ADCY5: variants seen among roughly 807,000 people sequenced by gnomAD.
The protein encoded by ADCY5 is adenylate cyclase type 5.
A neutral mutation model predicts 119.7 loss-of-function variants in ADCY5; 30 were observed. The observed-to-expected ratio is 0.25, with a 90% CI of 0.19 to 0.34. ADCY5 has a LOEUF of 0.34. Among genes scored for constraint, ADCY5 ranks in the 10% least tolerant of loss-of-function variants. The probability of loss-of-function intolerance (pLI) is 1.00; values close to 1 mark genes in which losing one functional copy is unlikely to be tolerated. For missense variants in ADCY5, 1,324 were observed against 1,775.2 expected, an observed-to-expected ratio of 0.75 and a Z score of 4.57; for synonymous variants, 753 against 762.2, an observed-to-expected ratio of 0.99 and a Z score of 0.20.
Position 123,352,315 on chromosome 3 carries a change from C to A in ADCY5, c.1284+117G>T. ...CATTCCCCATGGGTTGGTCCCCTCC[C>A]GGGGAGTGGGGCTGGCAGCCGTAAT... On this transcript the variant is annotated intron_variant, in intron 2 of 20. Transcript: ENST00000462833. The surrounding 1 kb of genome is among the most constrained non-coding windows in gnomAD (Gnocchi z 4.8). The A allele has an allele frequency of 7.6e-7, 1 of 1,317,152 alleles. No homozygotes were observed. Among genetic ancestry groups the A allele is most frequent in the South Asian group, 1.6e-5 (1 of 64,480 alleles). 81.6% of individuals were successfully genotyped at this position (1,317,152 alleles called of 1,614,324 possible).
At chr3:123,342,084 T>TC (rs1410045905) in intron 3 of ADCY5, among the ~76,000 whole-genome samples, 1 of 152,042 alleles carries the variant, frequency 6.6e-6, no homozygotes, top group Non-Finnish European at 1.5e-5. Context: ...GTATGAACCA[T>TC]CGTGGCCGGC....
chr3:123,318,145 G>A (rs745946383), intron 10 of ADCY5, 28 bp from the exon 11 acceptor site: 2 of 1,586,428 alleles, frequency 1.3e-6, no homozygotes, highest in East Asian at 2.2e-5. Flanking sequence ...GGGTGAGAGG[G>A]GCCAAGGTAC....
chr3:123,352,618 C>T lies in ADCY5; in HGVS notation c.1135-37G>A. The T allele has an allele frequency of 6.4e-7, 1 of 1,572,322 alleles. No individual in the cohort carries two copies. The highest frequency in any genetic ancestry group is 1.3e-5 in the African/African-American group (1 of 74,234). The stretch of plus-strand genomic sequence containing the variant: ...GAGAGGAGCACACCTAGCTCAGATC[C>T]TGACCTTCCTGGCCCCAAAGCATGA... On this transcript the variant is annotated intron_variant, in intron 1 of 20. Coordinates refer to ENST00000462833, the MANE Select transcript of ADCY5 (RefSeq NM_183357.3). The surrounding 1 kb of genome is among the most constrained non-coding windows in gnomAD (Gnocchi z 4.8).
intron 12 of ADCY5, among the ~76,000 whole-genome samples, chr3:123,313,121 T>C (rs1055006029): frequency 6.6e-6 from 1 of 150,884 alleles, no homozygotes; most frequent in Non-Finnish European, 1.5e-5. Context: ...GCCCAATGGC[T>C]CTGGCTGACC....
intron 1 of ADCY5, among the ~76,000 whole-genome samples, chr3:123,436,335 T>A (rs1022903414): frequency 3.9e-5 from 6 of 152,048 alleles, no homozygotes; most frequent in African/African-American, 1.4e-4. Flanking sequence ...ATCATACCAC[T>A]GTACTCTAGC....
chr3:123,419,097 C>T lies in ADCY5; in HGVS notation c.1134+28315G>A, dbSNP rs1945246452. 5.3e-6 allele frequency: 5 copies of T among 952,068 alleles called. No homozygotes were observed. The South Asian group carries it at 2.4e-4, about 46-fold the overall frequency. The allele number at this position is 952,068 out of a possible 1,614,324, so 59.0% of individuals were successfully genotyped here. ...CCCCACAGTAAATCTTTCTATATGT[C>T]TATATAAATCCTAAGGGTTCTGTTT... On this transcript the variant is annotated intron_variant, in intron 1 of 20. Coordinates refer to ENST00000462833, the MANE Select transcript of ADCY5 (RefSeq NM_183357.3).
Position 123,434,806 on chromosome 3 carries a change from C to T in ADCY5, c.1134+12606G>A, listed in dbSNP as rs367955263. Among the ~76,000 whole-genome samples the T allele has an allele frequency of 2.0e-4, 31 of 152,114 alleles. 1 individual carries two copies. The East Asian group carries it at 2.1e-3, about 10-fold the overall frequency. On this transcript the variant is annotated intron_variant, in intron 1 of 20. Coordinates refer to ENST00000462833, the MANE Select transcript of ADCY5 (RefSeq NM_183357.3). ...TTGTCTATAGCCCTACCTTCCCTTC[C>T]TCGCTCCATTACCCATACAACCACC...
rs79100647 is a variant in ADCY5, at chr3:123,379,347, G to A, written c.1135-26766C>T. ...GGGTGATGCTGGTATAGAGGACCCC[G>A]GAGTGGGGTTTGGGGAAGTGGGGGA... is the stretch of plus-strand genomic sequence containing the variant. On this transcript the variant is annotated intron_variant, in intron 1 of 20. Coordinates refer to ENST00000462833, the MANE Select transcript of ADCY5 (RefSeq NM_183357.3). Among the ~76,000 whole-genome samples the A allele has an allele frequency of 8.5e-3, 1,287 of 152,162 alleles. 15 individuals are homozygous for A. Among genetic ancestry groups the A allele is most frequent in the African/African-American group, 0.029 (1,196 of 41,506 alleles).
intron 1 of ADCY5, chr3:123,416,281 C>T: frequency 6.5e-7 from 1 of 1,536,176 alleles, no homozygotes; most frequent in Non-Finnish European, 8.7e-7. Flanking sequence ...TCAGGACTTA[C>T]TTCCAGACGC....
chr3:123,405,083 G>A (rs1482378085), intron 1 of ADCY5, among the ~76,000 whole-genome samples: 7 of 152,244 alleles, frequency 4.6e-5, no homozygotes, highest in Non-Finnish European at 7.3e-5. Context: ...AAGAGCCTGC[G>A]ACAGCTGCTG....
chr3:123,338,395 G>C (rs1197101376), intron 3 of ADCY5, among the ~76,000 whole-genome samples: 1 of 152,172 alleles, frequency 6.6e-6, no homozygotes, highest in African/African-American at 2.4e-5. Context: ...CTGCAGCTTT[G>C]GGGGAGGATT....
At chr3:123,302,606 G>A (rs1467033483) in intron 14 of ADCY5, among the ~76,000 whole-genome samples, 1 of 152,168 alleles carries the variant, frequency 6.6e-6, no homozygotes, top group Non-Finnish European at 1.5e-5. Context: ...CTCAGATCAG[G>A]AGCACGAACT....
At chr3:123,319,577 G>A (rs1393145257) in intron 10 of ADCY5, 97 bp downstream of exon 10, 18 of 1,456,530 alleles carry the variant, frequency 1.2e-5, no homozygotes, top group Non-Finnish European at 1.7e-5. Context: ...CCCCTTCCGT[G>A]GTGCTGGGGG....
rs1338370621 is a variant in ADCY5 at position 123,328,674 on chromosome 3, G to T, written c.1775C>A (p.Ala592Asp). The change falls in exon 6 of 21, where the codon GCC becomes GAC. Residue 592 changes from alanine to aspartate, a missense_variant. By Grantham distance (126) the Ala-to-Asp change is moderately radical. This residue lies in a region of ADCY5 where 424 missense variants were observed against 546.8 expected (regional missense o/e 0.78). Transcript: ENST00000462833. ...CTTGCCGCCAGCCTCCATGTGGTTG[G>T]CTAGCGTGACATCGTTAGACCAGAC... ...FDVWSNDVTL[A>D]NHMEAGGKAG... 1 of 1,614,154 alleles carries T rather than the reference G, an allele frequency of 6.2e-7. No individual in the cohort carries two copies. The highest frequency in any genetic ancestry group is 8.5e-7 in the Non-Finnish European group (1 of 1,180,034).
chr3:123,302,485 G>C (rs1939903671), intron 14 of ADCY5, among the ~76,000 whole-genome samples: 1 of 152,262 alleles, frequency 6.6e-6, no homozygotes, highest in East Asian at 1.9e-4. Flanking sequence ...GCTGGTTTGG[G>C]ACTGGGTTCC....
At chr3:123,331,919 G>T (rs1414648638) in intron 4 of ADCY5, among the ~76,000 whole-genome samples, 1 of 152,188 alleles carries the variant, frequency 6.6e-6, no homozygotes, top group Non-Finnish European at 1.5e-5. Flanking sequence ...CTGGCGTCCT[G>T]TGTGGGCCAA....
At chr3:123,377,159 T>C (rs1286530473) in intron 1 of ADCY5, among the ~76,000 whole-genome samples, 2 of 152,184 alleles carry the variant, frequency 1.3e-5, no homozygotes, top group African/African-American at 2.4e-5. Context: ...CATCGGATCA[T>C]GTAAACTGCA....
chr3:123,300,809 G>A (rs926405100), intron 14 of ADCY5, among the ~76,000 whole-genome samples: 1 of 152,214 alleles, frequency 6.6e-6, no homozygotes, highest in African/African-American at 2.4e-5. Flanking sequence ...GAACGGAGCT[G>A]CTCTGGTGGC....
Position 123,314,245 on chromosome 3 carries a change from G to GAGT in ADCY5, c.2429_2431dup (p.Tyr810dup). 1 of 1,612,590 alleles carries GAGT rather than the reference G, an allele frequency of 6.2e-7. No individual in the cohort carries two copies. The highest frequency in any genetic ancestry group is 8.5e-7 in the Non-Finnish European group (1 of 1,178,716). On this transcript the variant is annotated inframe_insertion, in exon 12 of 21. Transcript: ENST00000462833. Reference sequence around the variant, plus strand: ...GTCAGCTACACTCACCTTTACGCAGGAGTAGATCACAGACACAAACACCAC... The same window carrying GAGT: ...GTCAGCTACACTCACCTTTACGCAGGAGTAGTAGATCACAGACACAAACACCAC...
Sources: gnomAD v4.1 joint callset for allele counts (sites outside exome capture counted in the v4.1 genomes callset) on GRCh38, gnomAD v4.1.1 for gene constraint, gnomAD v4.1.1 regional missense constraint, Gnocchi (gnomAD v3.1) non-coding constraint, MANE v1.5 for transcripts, NCBI Gene and HGNC (gene_info 2026-07-23, HGNC 2026-07-21) for gene names.